The following NMT1 variants were observed in gnomAD, a reference collection of about 807,000 sequenced individuals.
NMT1 encodes the protein glycylpeptide N-tetradecanoyltransferase 1.
NMT1 carries 12 observed loss-of-function variants against 63.4 expected under a neutral mutation model. The ratio of observed to expected loss-of-function variants is 0.19; its 90% CI spans 0.12 to 0.31. The LOEUF (loss-of-function observed/expected upper bound fraction) is 0.31. Among genes scored for constraint, NMT1 ranks in the 10% least tolerant of loss-of-function variants. The pLI is 1.00. For missense variants in NMT1, 432 were observed against 634.6 expected, an observed-to-expected ratio of 0.68 and a Z score of 3.43; for synonymous variants, 228 against 234.3, an observed-to-expected ratio of 0.97 and a Z score of 0.25.
intron 3 of NMT1, among the ~76,000 whole-genome samples, chr17:45,090,014 G>T (rs964031231): frequency 2.6e-5 from 4 of 151,994 alleles, no homozygotes; most frequent in Non-Finnish European, 4.4e-5. Flanking sequence ...GGGTGTAGTG[G>T]CTCAATGCCT....
chr17:45,068,177 A>G (rs1335823689), intron 1 of NMT1, among the ~76,000 whole-genome samples: 5 of 152,132 alleles, frequency 3.3e-5, no homozygotes, highest in African/African-American at 1.2e-4. Flanking sequence ...AAAATACTAA[A>G]CCGGAATTCC....
At chr17:45,099,356 AATAGGGATT>A (rs777032561) in intron 7 of NMT1, 40 bp from the exon 8 acceptor site, 25 of 1,308,118 alleles carry the variant, frequency 1.9e-5, no homozygotes, top group Non-Finnish European at 2.8e-5. Flanking sequence ...TTGTCCTTGT[AATAGGGATT>A]GGCCAGAACC....
intron 1 of NMT1, among the ~76,000 whole-genome samples, chr17:45,072,514 C>T (rs377520658): frequency 1.3e-3 from 203 of 151,900 alleles, no homozygotes; most frequent in African/African-American, 4.4e-3. Flanking sequence ...ATCCACCCAC[C>T]TTGGTCTCCC....
At chr17:45,098,311 C>T in intron 6 of NMT1, 71 bp from the exon 7 acceptor site, 1 of 1,457,456 alleles carries the variant, frequency 6.9e-7, no homozygotes, top group South Asian at 1.2e-5. Context: ...GGTGTGGCTG[C>T]ACGTGCTTGA....
intron 1 of NMT1, among the ~76,000 whole-genome samples, chr17:45,079,554 A>G (rs1166013554): frequency 1.3e-5 from 2 of 152,180 alleles, no homozygotes; most frequent in African/African-American, 4.8e-5. Flanking sequence ...CTATTTTTTA[A>G]TTTAATAAAA....
intron 1 of NMT1, among the ~76,000 whole-genome samples, chr17:45,063,649 A>C (rs994679332): frequency 4.6e-5 from 7 of 152,208 alleles, no homozygotes; most frequent in Non-Finnish European, 5.9e-5. Flanking sequence ...TAATCCCAGC[A>C]CTTTGGGAGG....
intron 1 of NMT1, among the ~76,000 whole-genome samples, chr17:45,064,011 C>A (rs2053885426): frequency 6.6e-6 from 1 of 151,756 alleles, no homozygotes; most frequent in Non-Finnish European, 1.5e-5. Flanking sequence ...ATGGTGAAAC[C>A]CTGTCTCTAT....
chr17:45,095,171 A>G (rs1166022206), intron 4 of NMT1, among the ~76,000 whole-genome samples: 1 of 149,792 alleles, frequency 6.7e-6, no homozygotes, highest in African/African-American at 2.5e-5. Context: ...CAATGGCACA[A>G]TCTTGGCTCA....
chr17:45,084,821 G>A (rs373167088), intron 2 of NMT1, among the ~76,000 whole-genome samples: 42 of 152,226 alleles, frequency 2.8e-4, no homozygotes, highest in African/African-American at 8.9e-4. Context: ...TACACTGTTC[G>A]TTGGATTACT....
intron 8 of NMT1, 147 bp downstream of exon 8, chr17:45,099,660 T>C (rs2054148742): frequency 6.5e-6 from 4 of 614,932 alleles, no homozygotes; most frequent in Non-Finnish European, 1.2e-5. Flanking sequence ...TTTCCTGGAC[T>C]TTCTATTTCT....
chr17:45,065,625 A>G (rs985300221), intron 1 of NMT1, among the ~76,000 whole-genome samples: 1 of 137,302 alleles, frequency 7.3e-6, no homozygotes, highest in Non-Finnish European at 1.5e-5. Context: ...CTCTGTCTCA[A>G]AAAAAAAAAA....
chr17:45,087,357 A>G (rs2054061819), intron 3 of NMT1, among the ~76,000 whole-genome samples: 1 of 152,206 alleles, frequency 6.6e-6, no homozygotes, highest in Admixed American at 6.5e-5. Flanking sequence ...TAGCCAATGC[A>G]TGCTTACTAA....
At chr17:45,079,267 G>A (rs1446658948) in intron 1 of NMT1, among the ~76,000 whole-genome samples, 2 of 151,842 alleles carry the variant, frequency 1.3e-5, no homozygotes, top group Non-Finnish European at 2.9e-5. Flanking sequence ...TCCACGCCTG[G>A]CTAATTTTGT....
chr17:45,083,852 C>G (rs1161790904), intron 2 of NMT1: 1 of 152,184 alleles, frequency 6.6e-6, no homozygotes, highest in Non-Finnish European at 1.5e-5. Context: ...CTCAAGAGAT[C>G]TGCCTGCCAT....
chr17:45,061,522 C>A, intron 1 of NMT1, 62 bp downstream of exon 1: 1 of 1,496,906 alleles, frequency 6.7e-7, no homozygotes, highest in Non-Finnish European at 9.1e-7. Flanking sequence ...CTCTGGGGTG[C>A]GGGGAAGTCA....
chr17:45,104,704 G>C lies in NMT1; in HGVS notation c.1333-155G>C. 1 of 1,458,564 alleles carries C rather than the reference G, an allele frequency of 6.9e-7. No individual in the cohort carries two copies. The highest frequency in any genetic ancestry group is 9.0e-7 in the Non-Finnish European group (1 of 1,107,876). 90.4% of individuals were successfully genotyped at this position (1,458,564 alleles called of 1,614,324 possible). On this transcript the variant is annotated intron_variant, in intron 10 of 11. Coordinates refer to ENST00000258960, the MANE Select transcript of NMT1 (RefSeq NM_021079.5). The surrounding 1 kb of genome is among the most constrained non-coding windows in gnomAD (Gnocchi z 4.2). The stretch of plus-strand genomic sequence containing the variant: ...CTCAGAGTGTCCTGAGAACCACCCG[G>C]AGAGCGGGGATTAACGTGGAAGCAG...
chr17:45,088,634 A>T (rs899295906), intron 3 of NMT1, among the ~76,000 whole-genome samples: 1 of 152,186 alleles, frequency 6.6e-6, no homozygotes, highest in Non-Finnish European at 1.5e-5. Context: ...TGGGCCTGTG[A>T]TCCCAGCTAC....
chr17:45,081,698 A>G lies in NMT1; in HGVS notation c.186A>G (p.Lys62=), dbSNP rs375158125. 1 of 1,610,328 alleles carries G rather than the reference A, an allele frequency of 6.2e-7. No homozygotes were observed. The highest frequency in any genetic ancestry group is 8.5e-7 in the Non-Finnish European group (1 of 1,177,842). The change falls in exon 2 of 12, where the codon AAA becomes AAG. Residue 62 remains lysine (K), a synonymous_variant. Transcript: ENST00000258960. ...TGAKKKKKKQ[K]KKKEKGSETD... is the part of the protein sequence containing the mutation. ...CCAAAAAGAAGAAAAAGAAACAAAAAAAGAAGAAAGAAAAAGGCAGTGAGA... is the reference window on the plus strand; with the variant it reads ...CCAAAAAGAAGAAAAAGAAACAAAAGAAGAAGAAAGAAAAAGGCAGTGAGA...
intron 2 of NMT1, among the ~76,000 whole-genome samples, chr17:45,082,558 G>A (rs554589304): frequency 1.1e-4 from 16 of 152,306 alleles, no homozygotes; most frequent in Non-Finnish European, 1.9e-4. Context: ...CAACCTGAGA[G>A]TGATGCACTG....
Sources: allele counts gnomAD v4.1 joint callset (sites outside exome capture counted in the v4.1 genomes callset), GRCh38; gene constraint gnomAD v4.1.1; non-coding constraint Gnocchi (gnomAD v3.1); transcripts MANE v1.5; gene names NCBI Gene and HGNC (gene_info 2026-07-23, HGNC 2026-07-21).